The following PCDHGA2 variants were observed in gnomAD, a reference collection of about 807,000 sequenced individuals.
The protein encoded by PCDHGA2 is protocadherin gamma subfamily A, 2.
A neutral mutation model predicts 59.2 loss-of-function variants in PCDHGA2; 40 were observed. The ratio of observed to expected loss-of-function variants is 0.68; its 90% CI spans 0.52 to 0.88. The LOEUF is 0.88. Among genes scored for constraint, PCDHGA2 ranks in the 40% least tolerant of loss-of-function variants. PCDHGA2 has a pLI of 0.00. For missense variants in PCDHGA2, 1,226 were observed against 1,204.0 expected, an observed-to-expected ratio of 1.02 and a Z score of -0.27; for synonymous variants, 560 against 526.0, an observed-to-expected ratio of 1.06 and a Z score of -0.89.
At chr5:141,500,546 G>A (rs1428503967) in intron 2 of PCDHGA2, among the ~76,000 whole-genome samples, 1 of 152,126 alleles carries the variant, frequency 6.6e-6, no homozygotes, top group African/African-American at 2.4e-5. Context: ...ACCTAAATAA[G>A]TTGTTCACAA....
intron 1 of PCDHGA2, chr5:141,415,199 T>C (rs761532551): frequency 1.7e-5 from 28 of 1,613,880 alleles, no homozygotes; most frequent in Non-Finnish European, 2.4e-5. Flanking sequence ...ATCCCCCAAG[T>C]CCTGGCGGAC....
chr5:141,510,510 G>C (rs1042950478), intron 3 of PCDHGA2, among the ~76,000 whole-genome samples: 1 of 152,132 alleles, frequency 6.6e-6, no homozygotes, highest in Non-Finnish European at 1.5e-5. Context: ...CTGAGAGCCC[G>C]TGTCACAGCC....
At chr5:141,510,682 G>C (rs1014890367) in intron 3 of PCDHGA2, among the ~76,000 whole-genome samples, 2 of 152,154 alleles carry the variant, frequency 1.3e-5, no homozygotes, top group Non-Finnish European at 2.9e-5. Context: ...GTGGCATAAG[G>C]AGGTTAGGTA....
chr5:141,414,348 G>A (rs1390188717), intron 1 of PCDHGA2: 1 of 1,613,818 alleles, frequency 6.2e-7, no homozygotes, highest in South Asian at 1.1e-5. Flanking sequence ...GTTCCATTTT[G>A]GCGTATCTAC....
At chr5:141,388,811 A>C (rs375009380) in intron 1 of PCDHGA2, 21 of 1,613,866 alleles carry the variant, frequency 1.3e-5, no homozygotes, top group Non-Finnish European at 1.6e-5. Context: ...ATTTTGAAGA[A>C]GTCAAAGAAT....
In PCDHGA2 at chr5:141,389,878, G is replaced by A. The variant is rs1369885786; in HGVS notation, c.2424+48483G>A. On this transcript the variant is annotated intron_variant, in intron 1 of 3. Coordinates refer to ENST00000394576, the MANE Select transcript of PCDHGA2 (RefSeq NM_018915.4). ...ACGTTGCACCTGGTCTTCGCCGACA[G>A]CTTGCAGGAGGTGCTGCCGGATATC... The A allele has an allele frequency of 6.2e-7, 1 of 1,613,972 alleles. No individual in the cohort carries two copies. The highest frequency in any genetic ancestry group is 1.3e-5 in the African/African-American group (1 of 74,952).
rs141095222 is a variant in PCDHGA2, at chr5:141,496,668, C to T, written c.2483+1803C>T. Reference sequence around the variant, plus strand: ...CCCTTCCTTTGACCCCAGCTGTTGTCCTTCTCCCTGCTGGCCTTGCCAACC... The same window carrying T: ...CCCTTCCTTTGACCCCAGCTGTTGTTCTTCTCCCTGCTGGCCTTGCCAACC... On this transcript the variant is annotated intron_variant, in intron 2 of 3. Coordinates refer to ENST00000394576, the MANE Select transcript of PCDHGA2 (RefSeq NM_018915.4). Among the ~76,000 whole-genome samples the T allele has an allele frequency of 1.3e-3, 204 of 152,328 alleles. 1 individual carries two copies. The highest frequency in any genetic ancestry group is 5.6e-3 in the Admixed American group (85 of 15,298).
chr5:141,463,764 G>A (rs2099069094), intron 1 of PCDHGA2, among the ~76,000 whole-genome samples: 1 of 151,916 alleles, frequency 6.6e-6, no homozygotes. Flanking sequence ...TTCTCTTATG[G>A]GTTAGAATCC....
chr5:141,376,561 A>G (rs780141155), intron 1 of PCDHGA2: 3 of 1,608,212 alleles, frequency 1.9e-6, no homozygotes, highest in South Asian at 1.1e-5. Context: ...CCGCAACCCA[A>G]CTAATCAGAC....
chr5:141,399,561 GT>G, intron 1 of PCDHGA2: 1 of 1,614,042 alleles, frequency 6.2e-7, no homozygotes, highest in Non-Finnish European at 8.5e-7. Context: ...TGGACTTGGG[GT>G]TGAACGGCCA....
At chr5:141,413,840 G>T (rs1323659502) in intron 1 of PCDHGA2, 1 of 1,613,306 alleles carries the variant, frequency 6.2e-7, no homozygotes, top group Non-Finnish European at 8.5e-7. Flanking sequence ...TCCGACGGGG[G>T]TGACCCTCTC....
chr5:141,501,130 G>C (rs528942194), intron 2 of PCDHGA2, among the ~76,000 whole-genome samples: 1 of 152,218 alleles, frequency 6.6e-6, no homozygotes, highest in South Asian at 2.1e-4. Flanking sequence ...GCCTCCCTAA[G>C]TGCTGGGATT....
intron 1 of PCDHGA2, chr5:141,362,513 A>T: frequency 3.1e-6 from 5 of 1,613,982 alleles, no homozygotes; most frequent in Non-Finnish European, 4.2e-6. Context: ...AATACAAATC[A>T]TGGAGCCGCT....
At position 141,351,478 on chromosome 5, in the gene PCDHGA2, A is replaced by G. The variant is rs199832341; in HGVS notation, c.2424+10083A>G. 3.9e-5 allele frequency: 63 copies of G among 1,613,924 alleles called. No individual in the cohort carries two copies. In the Middle Eastern group the frequency reaches 5.0e-4, roughly 13 times the overall value. On this transcript the variant is annotated intron_variant, in intron 1 of 3. Coordinates refer to ENST00000394576, the MANE Select transcript of PCDHGA2 (RefSeq NM_018915.4). Reference sequence around the variant, plus strand: ...ACAAGCTGGTGATTGCTGGAGCCCTAAACCGGGAGCAGACAGCAGACTACA... The same window carrying G: ...ACAAGCTGGTGATTGCTGGAGCCCTGAACCGGGAGCAGACAGCAGACTACA...
At chr5:141,404,241 C>T (rs960579159) in intron 1 of PCDHGA2, 9 of 1,613,576 alleles carry the variant, frequency 5.6e-6, no homozygotes, top group African/African-American at 4.0e-5. Context: ...AGAGGAACTC[C>T]GCCCCTGTCC....
At chr5:141,484,102 A>T (rs1404220648) in intron 1 of PCDHGA2, among the ~76,000 whole-genome samples, 1 of 152,206 alleles carries the variant, frequency 6.6e-6, no homozygotes, top group African/African-American at 2.4e-5. Flanking sequence ...GTTGGTAATT[A>T]ACAAAAGATC....
At position 141,340,135 on chromosome 5, in the gene PCDHGA2, G is replaced by A. The variant is rs1474010551; in HGVS notation, c.1164G>A (p.Glu388=). The A allele has an allele frequency of 2.5e-6, 4 of 1,614,158 alleles. No individual in the cohort carries two copies. Among genetic ancestry groups the A allele is most frequent in the Non-Finnish European group, 3.4e-6 (4 of 1,180,022 alleles). The part of the protein sequence containing the change: ...QNAFTTCSLP[E]DLPFKLEKSV... ...CATTCACCACCTGTTCACTCCCCGAGGATCTTCCTTTTAAGTTAGAAAAGT... is the reference window on the plus strand; with the variant it reads ...CATTCACCACCTGTTCACTCCCCGAAGATCTTCCTTTTAAGTTAGAAAAGT... Residue 388 remains glutamate (E), a synonymous_variant, in exon 1 of 4, where the codon GAG becomes GAA. Coordinates refer to ENST00000394576, the MANE Select transcript of PCDHGA2 (RefSeq NM_018915.4).
intron 1 of PCDHGA2, chr5:141,345,115 C>T: frequency 6.2e-7 from 1 of 1,613,908 alleles, no homozygotes; most frequent in South Asian, 1.1e-5. Context: ...GAAGAGGGCA[C>T]CGTTGGAAGA....
rs1193095881 is a variant in PCDHGA2 at position 141,490,273 on chromosome 5, G to T, written c.2425-4534G>T. On this transcript the variant is annotated intron_variant, in intron 1 of 3. Coordinates refer to ENST00000394576, the MANE Select transcript of PCDHGA2 (RefSeq NM_018915.4). This position sits in a 1 kb window ranked among gnomAD's most constrained non-coding sequence, Gnocchi z 5.4. ...TCAAGTGGATGTGGGGGATGTCAAT[G>T]ACAATGCCCCAGAGGTGCTATTGGC... 6.2e-7 allele frequency: 1 copy of T among 1,614,108 alleles called. No homozygotes were observed. The highest frequency in any genetic ancestry group is 8.5e-7 in the Non-Finnish European group (1 of 1,180,052).
Sources: gnomAD v4.1 joint callset for allele counts (sites outside exome capture counted in the v4.1 genomes callset) on GRCh38, gnomAD v4.1.1 for gene constraint, Gnocchi (gnomAD v3.1) non-coding constraint, MANE v1.5 for transcripts, NCBI Gene and HGNC (gene_info 2026-07-23, HGNC 2026-07-21) for gene names.